The following ANKRD13A variants were observed in gnomAD, a reference collection of about 807,000 sequenced individuals.
ANKRD13A encodes ankyrin repeat domain-containing protein 13A.
ANKRD13A carries 48 observed loss-of-function variants against 81.3 expected under a neutral mutation model. The observed-to-expected ratio is 0.59, with a 90% CI of 0.47 to 0.75. ANKRD13A has a LOEUF of 0.75. Among genes scored for constraint, ANKRD13A ranks in the 30% least tolerant of loss-of-function variants. The probability of loss-of-function intolerance (pLI) is 0.00; values close to 1 mark genes in which losing one functional copy is unlikely to be tolerated. For synonymous variants in ANKRD13A, 230 were observed against 270.1 expected (o/e 0.85, Z 1.45); for missense variants, 612 against 734.0 (o/e 0.83, Z 1.92).
intron 14 of ANKRD13A, among the ~76,000 whole-genome samples, chr12:110,037,126 C>T (rs1481495662): frequency 6.6e-6 from 1 of 152,108 alleles, no homozygotes; most frequent in African/African-American, 2.4e-5. Context: ...AAAACAGATC[C>T]AAGTTCAATT....
rs1302885978 is a variant in ANKRD13A, at chr12:110,037,378, C to T, written c.1597C>T (p.Leu533Phe). Reference protein sequence around the residue: ...QYERAIQESLLTSTEGLCPSA... With the variant: ...QYERAIQESLFTSTEGLCPSA... ...ACCCAGGGCCATCCAGGAGAGCCTCCTCACCAGCACAGAAGGCCTGTGCCC... is the reference window on the plus strand; with the variant it reads ...ACCCAGGGCCATCCAGGAGAGCCTCTTCACCAGCACAGAAGGCCTGTGCCC... Residue 533 changes from leucine (L) to phenylalanine (F), a missense_variant, in exon 15 of 15, where the codon CTC becomes TTC. Transcript: ENST00000261739. 1.2e-6 allele frequency: 2 copies of T among 1,613,978 alleles called. No individual in the cohort carries two copies. Among genetic ancestry groups the T allele is most frequent in the Non-Finnish European group, 1.7e-6 (2 of 1,179,976 alleles).
chr12:110,015,068 G>A lies in ANKRD13A; in HGVS notation c.355-1320G>A, dbSNP rs112291985. On this transcript the variant is annotated intron_variant, in intron 3 of 14. Transcript: ENST00000261739. ...TGGGATTACAGGCGTGAGCCAGTGCGCCCGGCCGCATTTCTCTTCTTGAAG... is the reference window on the plus strand; with the variant it reads ...TGGGATTACAGGCGTGAGCCAGTGCACCCGGCCGCATTTCTCTTCTTGAAG... Among the ~76,000 whole-genome samples the A allele has an allele frequency of 4.9e-3, 745 of 152,126 alleles. 5 individuals carry two copies. The highest frequency in any genetic ancestry group is 0.017 in the African/African-American group (710 of 41,464).
chr12:110,036,054 C>G lies in ANKRD13A; in HGVS notation c.1510-207C>G, dbSNP rs1892027467. Among the ~76,000 whole-genome samples the G allele has an allele frequency of 6.6e-6, 1 of 152,082 alleles. No individual in the cohort carries two copies. Among genetic ancestry groups the G allele is most frequent in the African/African-American group, 2.4e-5 (1 of 41,352 alleles). ...TGTACAAAGGATGAGAAGGTTGTGGCTGTGAGTTAGGCTGTGGCATGTTAC... is the reference window on the plus strand; with the variant it reads ...TGTACAAAGGATGAGAAGGTTGTGGGTGTGAGTTAGGCTGTGGCATGTTAC... On this transcript the variant is annotated intron_variant, in intron 13 of 14. Coordinates refer to ENST00000261739, the MANE Select transcript of ANKRD13A (RefSeq NM_033121.2). The surrounding 1 kb of genome is among the most constrained non-coding windows in gnomAD (Gnocchi z 4.6).
chr12:110,028,779 CT>C, intron 10 of ANKRD13A, 137 bp downstream of exon 10: 1 of 1,267,006 alleles, frequency 7.9e-7, no homozygotes, highest in East Asian at 2.7e-5. Context: ...GCTCTGTCGC[CT>C]AGGCTGGAGT....
chr12:110,034,443 T>TTG lies in ANKRD13A; in HGVS notation c.1509+501_1509+502dup, dbSNP rs369382030. ...GACAGACCTGTGTAAGCAGTAGGCT[T>TTG]TGTGTGTGTGTGTGTGACTCTATGT... is the stretch of plus-strand genomic sequence containing the variant. On this transcript the variant is annotated intron_variant, in intron 13 of 14. Coordinates refer to ENST00000261739, the MANE Select transcript of ANKRD13A (RefSeq NM_033121.2). 9.8e-3 allele frequency among the ~76,000 whole-genome samples: 1,477 copies of TTG among 151,240 alleles called. 28 individuals carry two copies. The highest frequency in any genetic ancestry group is 0.032 in the African/African-American group (1,334 of 41,236).
chr12:110,029,272 GC>G, intron 10 of ANKRD13A: 1 of 457,198 alleles, frequency 2.2e-6, no homozygotes, highest in Non-Finnish European at 3.9e-6. Flanking sequence ...AGGTTGTCAT[GC>G]AGGTCGCTTG....
chr12:110,025,958 C>G, intron 8 of ANKRD13A, 135 bp downstream of exon 8: 1 of 668,072 alleles, frequency 1.5e-6, no homozygotes, highest in Non-Finnish European at 2.4e-6. Context: ...TCTTCTCTCT[C>G]TCTCTCTTTT....
At chr12:110,013,722 C>T (rs1275592622) in intron 3 of ANKRD13A, among the ~76,000 whole-genome samples, 1 of 151,982 alleles carries the variant, frequency 6.6e-6, no homozygotes, top group African/African-American at 2.4e-5. Flanking sequence ...AGTGAGCCAC[C>T]CCTGAGTGAG....
At chr12:110,023,212 G>T (rs904307325) in intron 6 of ANKRD13A, among the ~76,000 whole-genome samples, 2 of 152,160 alleles carry the variant, frequency 1.3e-5, no homozygotes, top group African/African-American at 4.8e-5. Flanking sequence ...GCTGGTCAGG[G>T]ATCCCCTGTG....
At position 110,001,072 on chromosome 12, in the gene ANKRD13A, TA is replaced by T. The variant is rs201257737; in HGVS notation, c.96+1291del. 6.3e-3 allele frequency among the ~76,000 whole-genome samples: 960 copies of T among 151,774 alleles called. 3 individuals carry two copies. Among genetic ancestry groups the T allele is most frequent in the African/African-American group, 0.022 (913 of 41,348 alleles). ...ACGCCTGGCTGAGAAACTCTGCTTT[TA>T]AAGTCTCCCAACAATTCTGGGAGGT... On this transcript the variant is annotated intron_variant, in intron 1 of 14. Transcript: ENST00000261739.
intron 5 of ANKRD13A, 126 bp from the exon 6 acceptor site, chr12:110,019,013 G>A: frequency 1.0e-6 from 1 of 986,002 alleles, no homozygotes; most frequent in Non-Finnish European, 1.5e-6. Context: ...TCAGTACACT[G>A]TAGGTTTTAC....
chr12:110,037,409 C>T lies in ANKRD13A; in HGVS notation c.1628C>T (p.Ala543Val), dbSNP rs1892129212. ...LTSTEGLCPSALSETSRFDND... is the reference protein window; with the variant it reads ...LTSTEGLCPSVLSETSRFDND... ...AGCACAGAAGGCCTGTGCCCCAGCG[C>T]CCTGAGCGAGACAAGCCGTTTTGAT... is the stretch of plus-strand genomic sequence containing the variant. The change falls in exon 15 of 15, where the codon GCC becomes GTC. Residue 543 changes from alanine (A) to valine (V), a missense_variant. Transcript: ENST00000261739. 1.2e-6 allele frequency: 2 copies of T among 1,614,102 alleles called. No individual in the cohort carries two copies. The highest frequency in any genetic ancestry group is 2.2e-5 in the East Asian group (1 of 44,906).
chr12:110,005,303 G>A (rs1890185728), intron 1 of ANKRD13A, among the ~76,000 whole-genome samples: 1 of 152,058 alleles, frequency 6.6e-6, no homozygotes, highest in African/African-American at 2.4e-5. Flanking sequence ...TACCACGCTT[G>A]GCTAATTTTT....
intron 3 of ANKRD13A, among the ~76,000 whole-genome samples, chr12:110,014,657 T>A (rs568928015): frequency 6.6e-6 from 1 of 152,248 alleles, no homozygotes; most frequent in East Asian, 1.9e-4. Flanking sequence ...TTGCTCATCA[T>A]TGGAATGCTG....
intron 1 of ANKRD13A, among the ~76,000 whole-genome samples, chr12:110,006,618 T>A (rs1443304278): frequency 6.6e-6 from 1 of 151,958 alleles, no homozygotes; most frequent in Non-Finnish European, 1.5e-5. Context: ...TTTTTTGAGA[T>A]GGAGTTTCGC....
At chr12:110,022,454 A>G (rs1232209887) in intron 6 of ANKRD13A, 5 of 152,086 alleles carry the variant, frequency 3.3e-5, no homozygotes, top group Middle Eastern at 3.4e-3. Flanking sequence ...ATCTCAAAAA[A>G]AAAAAAAAAA....
intron 8 of ANKRD13A, 139 bp downstream of exon 8, chr12:110,025,962 CTCTTTT>C: frequency 7.7e-6 from 5 of 648,370 alleles, no homozygotes; most frequent in Non-Finnish European, 1.2e-5. Context: ...CTCTCTCTCT[CTCTTTT>C]TTTTTTTTTT....
intron 6 of ANKRD13A, among the ~76,000 whole-genome samples, chr12:110,020,129 T>A (rs922216499): frequency 6.6e-6 from 1 of 152,204 alleles, no homozygotes; most frequent in African/African-American, 2.4e-5. Context: ...ATCCTGATAG[T>A]ATTTGCCTAG....
intron 1 of ANKRD13A, among the ~76,000 whole-genome samples, chr12:110,003,974 T>C (rs1890113146): frequency 6.6e-6 from 1 of 151,908 alleles, no homozygotes; most frequent in African/African-American, 2.4e-5. Flanking sequence ...CTGGCCAACA[T>C]AGTGAAACCC....
Sources: allele counts gnomAD v4.1 joint callset (sites outside exome capture counted in the v4.1 genomes callset), GRCh38; gene constraint gnomAD v4.1.1; non-coding constraint Gnocchi (gnomAD v3.1); transcripts MANE v1.5; gene names NCBI Gene and HGNC (gene_info 2026-07-23, HGNC 2026-07-21).